NFIB: variants seen among roughly 807,000 people sequenced by gnomAD.
NFIB encodes the protein nuclear factor 1 B-type.
NFIB carries 11 observed loss-of-function variants against 61.5 expected under a neutral mutation model. That is an observed-to-expected ratio of 0.18 (90% CI 0.11 to 0.30). NFIB has a LOEUF of 0.30. Ranked by LOEUF, NFIB falls within the 10% of genes least tolerant of loss-of-function variation. NFIB has a pLI of 1.00. For missense variants in NFIB, 471 were observed against 608.9 expected, an observed-to-expected ratio of 0.77 and a Z score of 2.38; for synonymous variants, 260 against 216.5, an observed-to-expected ratio of 1.20 and a Z score of -1.76.
chr9:14,317,593 A>G (rs1466405795), upstream of NFIB, among the ~76,000 whole-genome samples: 2 of 152,262 alleles, frequency 1.3e-5, no homozygotes, highest in Non-Finnish European at 2.9e-5. Flanking sequence ...CCTGAAAAAG[A>G]AGGTTTATGG....
intron 2 of NFIB, among the ~76,000 whole-genome samples, chr9:14,194,791 G>A (rs906639230): frequency 6.6e-6 from 1 of 152,016 alleles, no homozygotes; most frequent in African/African-American, 2.4e-5. Flanking sequence ...AAAGAACTAA[G>A]CTCCACCTTC....
At chr9:14,115,990 T>C (rs1389562576) in intron 9 of NFIB, among the ~76,000 whole-genome samples, 1 of 152,214 alleles carries the variant, frequency 6.6e-6, no homozygotes, top group Non-Finnish European at 1.5e-5. Flanking sequence ...TTTTCAAATA[T>C]GATTCACTGA....
At chr9:14,416,127 A>C in the NFIB span, among the ~76,000 whole-genome samples, 123 of 152,348 alleles carry the variant, frequency 8.1e-4, 2 homozygotes, top group Non-Finnish European at 1.5e-3. Flanking sequence ...GCTATAAAAC[A>C]AAGCTATGAA....
the NFIB span, among the ~76,000 whole-genome samples, chr9:14,443,604 C>T: frequency 2.6e-5 from 4 of 152,334 alleles, no homozygotes; most frequent in South Asian, 2.1e-4. Context: ...TGCAATACAT[C>T]CTCCTCTTAA....
At chr9:14,413,301 A>C in the NFIB span, among the ~76,000 whole-genome samples, 1 of 152,142 alleles carries the variant, frequency 6.6e-6, no homozygotes, top group Non-Finnish European at 1.5e-5. Context: ...ACTTCTACTT[A>C]CTTTTTCTGC....
At chr9:14,437,371 C>T in the NFIB span, among the ~76,000 whole-genome samples, 1 of 152,202 alleles carries the variant, frequency 6.6e-6, no homozygotes, top group Non-Finnish European at 1.5e-5. Flanking sequence ...ATTTCCCTGC[C>T]TATGGCAACA....
chr9:14,200,549 T>C (rs2048921678), intron 2 of NFIB, among the ~76,000 whole-genome samples: 1 of 152,218 alleles, frequency 6.6e-6, no homozygotes, highest in Admixed American at 6.5e-5. Context: ...GACTTGACTT[T>C]CCCAGACTCT....
At chr9:14,445,934 T>G in the NFIB span, among the ~76,000 whole-genome samples, 1 of 152,326 alleles carries the variant, frequency 6.6e-6, no homozygotes, top group South Asian at 2.1e-4. Context: ...TAGAGAGTTT[T>G]CTGGTAACAC....
intron 2 of NFIB, among the ~76,000 whole-genome samples, chr9:14,214,148 G>A (rs1413182158): frequency 6.6e-6 from 1 of 152,072 alleles, no homozygotes. Context: ...AAGCGACAGA[G>A]ATAAGGAAAG....
At chr9:14,479,909 G>C in the NFIB span, among the ~76,000 whole-genome samples, 2 of 152,008 alleles carry the variant, frequency 1.3e-5, no homozygotes, top group African/African-American at 2.4e-5. Flanking sequence ...GCAGTGATGG[G>C]TTGCACAACC....
intron 10 of NFIB, among the ~76,000 whole-genome samples, chr9:14,092,204 G>A (rs7871475): frequency 0.061 from 9,282 of 152,134 alleles, 906 homozygotes; most frequent in African/African-American, 0.21. Context: ...GAACAGCTAA[G>A]GGTAGACAGG....
the NFIB span, among the ~76,000 whole-genome samples, chr9:14,427,048 G>A: frequency 0.013 from 2,007 of 152,248 alleles, 42 homozygotes; most frequent in African/African-American, 0.045. Flanking sequence ...GTGCCAAAAA[G>A]AAGTCTTCTC....
chr9:14,231,004 GTAAC>G (rs1329386812), intron 2 of NFIB, among the ~76,000 whole-genome samples: 4 of 150,938 alleles, frequency 2.7e-5, no homozygotes, highest in Non-Finnish European at 5.9e-5. Flanking sequence ...CGCAAGATGA[GTAAC>G]TGAGGATCCC....
chr9:14,260,953 A>G (rs1351678311), intron 2 of NFIB, among the ~76,000 whole-genome samples: 1 of 151,382 alleles, frequency 6.6e-6, no homozygotes, highest in Admixed American at 6.6e-5. Flanking sequence ...ATAGCAAGAA[A>G]CCTGTAGGTA....
At chr9:14,177,113 T>C (rs2046276826) in intron 3 of NFIB, among the ~76,000 whole-genome samples, 1 of 152,204 alleles carries the variant, frequency 6.6e-6, no homozygotes, top group Admixed American at 6.5e-5. Flanking sequence ...AGTGATTTGA[T>C]TGTTTCATTG....
At position 14,197,170 on chromosome 9, in the gene NFIB, T is replaced by C. The variant is rs575084369; in HGVS notation, c.563-17390A>G. Among the ~76,000 whole-genome samples, 29 of 152,358 alleles carry C rather than the reference T, an allele frequency of 1.9e-4. 1 individual carries two copies. In the South Asian group the frequency reaches 5.6e-3, roughly 29 times the overall value. On this transcript the variant is annotated intron_variant, in intron 2 of 10. Coordinates refer to ENST00000380953, the MANE Select transcript of NFIB (RefSeq NM_001190737.2). ...ACCCTTTACAATTACCAGAAAGGAA[T>C]GCAGAGCTTGACAACTTGCAGAGTA... is the stretch of plus-strand genomic sequence containing the variant.
intron 2 of NFIB, among the ~76,000 whole-genome samples, chr9:14,265,332 A>T (rs2057107177): frequency 6.6e-6 from 1 of 152,156 alleles, no homozygotes; most frequent in Non-Finnish European, 1.5e-5. Context: ...GGGCCTTCAT[A>T]TTTGGAGATA....
chr9:14,427,166 G>A, the NFIB span, among the ~76,000 whole-genome samples: 1 of 152,074 alleles, frequency 6.6e-6, no homozygotes, highest in Non-Finnish European at 1.5e-5. Context: ...TGACTTAACA[G>A]TTTCTTCCAT....
At chr9:14,519,857 T>C in the NFIB span, among the ~76,000 whole-genome samples, 4 of 152,228 alleles carry the variant, frequency 2.6e-5, no homozygotes, top group Admixed American at 2.6e-4. Flanking sequence ...CCAGATAGTC[T>C]AGCCTTAGAT....
Sources: allele counts gnomAD v4.1 joint callset (sites outside exome capture counted in the v4.1 genomes callset), GRCh38; gene constraint gnomAD v4.1.1; transcripts MANE v1.5; gene names NCBI Gene and HGNC (gene_info 2026-07-23, HGNC 2026-07-21).